Variants in SYT14 observed in about 807,000 individuals in gnomAD.
SYT14 encodes synaptotagmin-14.
Under a neutral mutation model 74.2 loss-of-function variants are expected in SYT14, and 32 were observed. That is an observed-to-expected ratio of 0.43 (90% CI 0.33 to 0.58). The LOEUF (loss-of-function observed/expected upper bound fraction) is 0.58, where lower values mean the gene tolerates loss of function less well. Among genes scored for constraint, SYT14 ranks in the 20% least tolerant of loss-of-function variants. The pLI, the probability that SYT14 is intolerant of heterozygous loss-of-function variation, is 0.05. For synonymous variants in SYT14, 298 were observed against 337.7 expected (o/e 0.88, Z 1.29); for missense variants, 791 against 981.8 (o/e 0.81, Z 2.60).
chr1:210,163,348 G>A (rs1304763430), exon 10 of SYT14: 1 of 453,552 alleles, frequency 2.2e-6, no homozygotes, highest in East Asian at 7.0e-5. Flanking sequence ...ATCCTTCATG[G>A]CTTAAAAATT....
chr1:210,069,211 G>T (rs567615418), intron 5 of SYT14, among the ~76,000 whole-genome samples: 3 of 151,872 alleles, frequency 2.0e-5, no homozygotes, highest in South Asian at 4.2e-4. Flanking sequence ...GTGTCAAGGG[G>T]ATTAATATCT....
At chr1:210,125,549 C>A (rs1057403679) in intron 7 of SYT14, among the ~76,000 whole-genome samples, 11 of 152,182 alleles carry the variant, frequency 7.2e-5, no homozygotes, top group African/African-American at 2.4e-4. Flanking sequence ...CTTCCCACTA[C>A]TTAGTAGCTC....
At chr1:210,157,937 C>T (rs1453937419) in intron 8 of SYT14, among the ~76,000 whole-genome samples, 2 of 152,074 alleles carry the variant, frequency 1.3e-5, no homozygotes, top group East Asian at 3.9e-4. Context: ...ACATGTATCA[C>T]AGAAGGTGTC....
At chr1:210,011,310 A>C (rs2080082284) in intron 2 of SYT14, among the ~76,000 whole-genome samples, 1 of 152,192 alleles carries the variant, frequency 6.6e-6, no homozygotes, top group African/African-American at 2.4e-5. Context: ...CTTGATACAT[A>C]CCACTGTTTT....
chr1:209,991,013 A>G (rs946918939), intron 2 of SYT14, among the ~76,000 whole-genome samples: 7 of 152,200 alleles, frequency 4.6e-5, no homozygotes, highest in Non-Finnish European at 8.8e-5. Flanking sequence ...GATAAAGTCA[A>G]CAAAATTATA....
chr1:210,134,033 A>G (rs1176387174), intron 7 of SYT14, among the ~76,000 whole-genome samples: 2 of 151,840 alleles, frequency 1.3e-5, no homozygotes, highest in African/African-American at 4.8e-5. Flanking sequence ...CATAGTTACA[A>G]TTTGATTGGT....
chr1:210,136,991 T>G (rs2082800423), intron 7 of SYT14, among the ~76,000 whole-genome samples: 1 of 152,150 alleles, frequency 6.6e-6, no homozygotes, highest in Admixed American at 6.5e-5. Flanking sequence ...GAAACATTGC[T>G]GAGAGGGAGA....
chr1:210,037,564 A>G (rs1040260293), intron 5 of SYT14, among the ~76,000 whole-genome samples: 5 of 149,698 alleles, frequency 3.3e-5, no homozygotes, highest in African/African-American at 1.2e-4. Flanking sequence ...TTGTTAATAT[A>G]GGTACATAGT....
intron 2 of SYT14, among the ~76,000 whole-genome samples, chr1:209,986,003 G>C (rs967165222): frequency 6.6e-6 from 1 of 152,112 alleles, no homozygotes; most frequent in South Asian, 2.1e-4. Flanking sequence ...CAAGACCTTT[G>C]GTTGGAAGGG....
chr1:209,975,909 A>G (rs2102773095), intron 2 of SYT14, among the ~76,000 whole-genome samples: 1 of 152,282 alleles, frequency 6.6e-6, no homozygotes, highest in East Asian at 1.9e-4. Context: ...CAGAGATTCA[A>G]CTTTTTGCTG....
At chr1:210,163,450 G>A (rs746050011) in exon 10 of SYT14, 15 of 453,592 alleles carry the variant, frequency 3.3e-5, no homozygotes, top group Non-Finnish European at 2.2e-5. Context: ...ATGAGTGTAT[G>A]TATCTGTATA....
At chr1:210,127,655 T>A (rs1031417391) in intron 7 of SYT14, among the ~76,000 whole-genome samples, 3 of 152,228 alleles carry the variant, frequency 2.0e-5, no homozygotes, top group African/African-American at 7.2e-5. Flanking sequence ...TCCTTTTGGA[T>A]GAATGTACCT....
intron 7 of SYT14, among the ~76,000 whole-genome samples, chr1:210,121,589 T>C (rs1031969935): frequency 6.6e-6 from 1 of 151,998 alleles, no homozygotes; most frequent in African/African-American, 2.4e-5. Context: ...GGTCAGGAGA[T>C]TGAGACCATC....
chr1:210,087,258 G>T (rs1403389619), intron 5 of SYT14, among the ~76,000 whole-genome samples: 1 of 152,108 alleles, frequency 6.6e-6, no homozygotes, highest in East Asian at 1.9e-4. Flanking sequence ...TGCTGCTTAG[G>T]CTCTAGTATC....
chr1:210,061,551 G>T (rs1000689137), intron 5 of SYT14, among the ~76,000 whole-genome samples: 1 of 151,718 alleles, frequency 6.6e-6, no homozygotes, highest in Admixed American at 6.6e-5. Flanking sequence ...CTAGAGTCTG[G>T]TATAATGGAT....
At chr1:210,060,914 A>T (rs1164175253) in intron 5 of SYT14, among the ~76,000 whole-genome samples, 1 of 152,026 alleles carries the variant, frequency 6.6e-6, no homozygotes, top group Non-Finnish European at 1.5e-5. Context: ...CTCCTAATTA[A>T]ATTCAGGGCT....
chr1:210,158,650 T>C (rs2083315041), intron 8 of SYT14, among the ~76,000 whole-genome samples: 1 of 152,134 alleles, frequency 6.6e-6, no homozygotes, highest in African/African-American at 2.4e-5. Flanking sequence ...ACAGAGTCGA[T>C]GTTTCAGGTT....
chr1:210,164,276 G>A (rs1267732896), exon 10 of SYT14: 14 of 227,702 alleles, frequency 6.1e-5, no homozygotes, highest in South Asian at 1.1e-4. Context: ...ATAATAAATT[G>A]GACCACAATT....
chr1:210,103,097 TAC>T (rs1414628706), intron 7 of SYT14, among the ~76,000 whole-genome samples: 2 of 152,154 alleles, frequency 1.3e-5, no homozygotes, highest in African/African-American at 2.4e-5. Flanking sequence ...CATTTAAACT[TAC>T]AGTTTTTTTC....
Sources: gnomAD v4.1 joint callset for allele counts (sites outside exome capture counted in the v4.1 genomes callset) on GRCh38, gnomAD v4.1.1 for gene constraint, MANE v1.5 for transcripts, NCBI Gene and HGNC (gene_info 2026-07-23, HGNC 2026-07-21) for gene names.